Variants in CDH26 observed in about 807,000 individuals in gnomAD.
CDH26 encodes the protein cadherin 26.
CDH26 carries 83 observed loss-of-function variants against 90.3 expected under a neutral mutation model. That is an observed-to-expected ratio of 0.92 (90% confidence interval 0.77 to 1.10). The LOEUF (loss-of-function observed/expected upper bound fraction) is 1.10, where lower values mean the gene tolerates loss of function less well. Among genes scored for constraint, CDH26 ranks in the 50% least tolerant of loss-of-function variants. The pLI, the probability that CDH26 is intolerant of heterozygous loss-of-function variation, is 0.00. For synonymous variants in CDH26, 397 were observed against 396.3 expected (o/e 1.00, Z -0.02); for missense variants, 1,013 against 1,037.6 (o/e 0.98, Z 0.33).
rs1395976621 is a variant in CDH26 at position 60,013,321 on chromosome 20, C to G, written c.*591C>G. 1.3e-5 allele frequency: 2 copies of G among 152,108 alleles called. No individual in the cohort carries two copies. Among genetic ancestry groups the G allele is most frequent in the Non-Finnish European group, 2.9e-5 (2 of 68,030 alleles). The allele number at this position is 152,108 out of a possible 1,614,324, so 9.4% of individuals were successfully genotyped here. ...TGCTGAAAGCTTTATAAACAGTATACTCTTTAAAAAATGAAGAGCTGACAT... is the reference window on the plus strand; with the variant it reads ...TGCTGAAAGCTTTATAAACAGTATAGTCTTTAAAAAATGAAGAGCTGACAT... On this transcript the variant is annotated 3_prime_UTR_variant, in exon 18 of 18. Transcript: ENST00000348616.
chr20:59,984,962 G>T (rs1204328984), intron 6 of CDH26, 39 bp from the exon 7 acceptor site: 2 of 1,602,630 alleles, frequency 1.2e-6, no homozygotes, highest in African/African-American at 2.7e-5. Flanking sequence ...TTCCTTTCCT[G>T]TATTTGAGGG....
exon 8 of CDH26, chr20:60,031,259 G>C: frequency 8.0e-7 from 1 of 1,244,970 alleles, no homozygotes; most frequent in Non-Finnish European, 1.0e-6. Context: ...TTCAGCCTCA[G>C]CAGGGGCTGC....
At chr20:59,991,316 A>G (rs1269141390) in intron 9 of CDH26, among the ~76,000 whole-genome samples, 6 of 152,226 alleles carry the variant, frequency 3.9e-5, no homozygotes, top group African/African-American at 7.2e-5. Flanking sequence ...CTAACAGTCC[A>G]TCATTTTAGC....
At chr20:59,989,774 A>G (rs1176837667) in intron 9 of CDH26, among the ~76,000 whole-genome samples, 1 of 151,878 alleles carries the variant, frequency 6.6e-6, no homozygotes, top group Non-Finnish European at 1.5e-5. Context: ...AATCCGTTAC[A>G]TTTTTCTGTC....
chr20:59,995,198 A>G (rs374965292), intron 11 of CDH26, among the ~76,000 whole-genome samples: 1 of 152,046 alleles, frequency 6.6e-6, no homozygotes, highest in Admixed American at 6.5e-5. Flanking sequence ...GGTGATCTCT[A>G]TTGGGGTATC....
intron 1 of CDH26, among the ~76,000 whole-genome samples, chr20:59,962,350 C>A (rs1042366637): frequency 6.6e-6 from 1 of 152,226 alleles, no homozygotes; most frequent in African/African-American, 2.4e-5. Flanking sequence ...GAAACCAAGG[C>A]GTCAGCAGGG....
chr20:60,018,702 C>CTTTTTTTTTT (rs55994712), downstream of CDH26, among the ~76,000 whole-genome samples: 74 of 17,812 alleles, frequency 4.2e-3, 13 homozygotes, highest in South Asian at 7.8e-3. Context: ...CTCTTACTGC[C>CTTTTTTTTTT]TTTTTTTTTT....
At chr20:60,029,617 T>C (rs544195687) in intron 7 of CDH26, among the ~76,000 whole-genome samples, 2 of 152,234 alleles carry the variant, frequency 1.3e-5, no homozygotes, top group Admixed American at 1.3e-4. Context: ...GTATTTGTCC[T>C]AATGCCCTCC....
intron 4 of CDH26, among the ~76,000 whole-genome samples, chr20:59,978,198 CAT>C (rs960012870): frequency 3.0e-4 from 45 of 152,178 alleles, no homozygotes; most frequent in African/African-American, 9.9e-4. Context: ...AAGCTATAAA[CAT>C]GTGTGTGCAG....
chr20:60,021,897 C>CATATATATATAT lies in CDH26; in HGVS notation c.948-9325_948-9314dup, dbSNP rs71228705. On this transcript the variant is annotated intron_variant, in intron 7 of 8. Coordinates refer to the CDH26 transcript ENST00000370991. The stretch of plus-strand genomic sequence containing the variant: ...ACACACACACACACACACACACACA[C>CATATATATATAT]ATATATATATATATATATATCCTGA... Among the ~76,000 whole-genome samples, 31 of 78,984 alleles carry CATATATATATAT rather than the reference C, an allele frequency of 3.9e-4. 2 individuals are homozygous for CATATATATATAT. Among genetic ancestry groups the CATATATATATAT allele is most frequent in the Admixed American group, 7.8e-4 (6 of 7,690 alleles). The allele number at this position is 78,984 out of a possible 152,430, so 51.8% of individuals were successfully genotyped here.
chr20:59,972,188 T>C, intron 4 of CDH26, 65 bp downstream of exon 4: 2 of 1,489,966 alleles, frequency 1.3e-6, no homozygotes, highest in South Asian at 1.2e-5. Flanking sequence ...TTGTATTTGG[T>C]AAGCATTATT....
chr20:59,970,801 C>A (rs1157697033), intron 3 of CDH26, among the ~76,000 whole-genome samples: 1 of 148,074 alleles, frequency 6.8e-6, no homozygotes, highest in Non-Finnish European at 1.5e-5. Context: ...CAGCGAGACT[C>A]TGTCTCAAAA....
exon 9 of CDH26, chr20:60,033,587 C>T: frequency 7.7e-6 from 10 of 1,304,702 alleles, no homozygotes; most frequent in Non-Finnish European, 9.1e-6. Context: ...TGCGCATTCC[C>T]CATCACCCCT....
downstream of CDH26, among the ~76,000 whole-genome samples, chr20:60,015,671 C>T (rs531267502): frequency 2.0e-5 from 3 of 152,152 alleles, no homozygotes; most frequent in East Asian, 3.9e-4. Flanking sequence ...TCTATGCTTT[C>T]GAGGTCTTAC....
intron 16 of CDH26, among the ~76,000 whole-genome samples, chr20:60,003,407 T>C (rs1027149574): frequency 3.9e-5 from 6 of 152,216 alleles, no homozygotes; most frequent in Non-Finnish European, 7.3e-5. Flanking sequence ...GTGGATATAG[T>C]TTGCAAAATT....
At position 59,958,852 on chromosome 20, in the gene CDH26, G is replaced by T. The variant is rs894602788; in HGVS notation, c.69+57G>T. ...GCAGGGAACTGAAAGCAAAGCACAA[G>T]CTGGCCCTGCCCCTTCTAGGCTAAG... On this transcript the variant is annotated intron_variant, in intron 1 of 17. Coordinates refer to ENST00000348616, the MANE Select transcript of CDH26 (RefSeq NM_177980.4). 7 of 1,548,576 alleles carry T rather than the reference G, an allele frequency of 4.5e-6. No individual in the cohort carries two copies. The African/African-American group carries it at 8.2e-5, about 18-fold the overall frequency.
rs1278401123 is a variant in CDH26, at chr20:59,992,509, C to T, written c.1415C>T (p.Ala472Val). The T allele has an allele frequency of 6.2e-7, 1 of 1,613,748 alleles. No individual in the cohort carries two copies. The highest frequency in any genetic ancestry group is 8.5e-7 in the Non-Finnish European group (1 of 1,179,934). Residue 472 changes from alanine (A) to valine (V), a missense_variant, in exon 10 of 18, where the codon GCT (alanine) becomes GTT (valine). Ala to Val is a moderately conservative substitution (Grantham distance 64). Coordinates refer to ENST00000348616, the MANE Select transcript of CDH26 (RefSeq NM_177980.4). This position sits in a 1 kb window ranked among gnomAD's most constrained non-coding sequence, Gnocchi z 5.0. ...NNSFYVIIIH[A>V]VDDGFPPQTA... ...AGTTTTTATGTAATCATCATTCACG[C>T]TGTTGATGATGGTGAGTGTTTACCC...
chr20:59,959,549 G>A (rs1028254325), intron 1 of CDH26, among the ~76,000 whole-genome samples: 13 of 151,246 alleles, frequency 8.6e-5, no homozygotes, highest in East Asian at 3.9e-4. Context: ...ACAGGTGCAC[G>A]CCACCATGCC....
chr20:60,021,881 C>CACAT (rs1569068713), intron 7 of CDH26, among the ~76,000 whole-genome samples: 1 of 86,968 alleles, frequency 1.1e-5, no homozygotes, highest in Non-Finnish European at 2.7e-5. Context: ...CACACACACA[C>CACAT]ACACACACAC....
Sources: gnomAD v4.1 joint callset for allele counts (sites outside exome capture counted in the v4.1 genomes callset) on GRCh38, gnomAD v4.1.1 for gene constraint, Gnocchi (gnomAD v3.1) non-coding constraint, MANE v1.5 for transcripts, NCBI Gene and HGNC (gene_info 2026-07-23, HGNC 2026-07-21) for gene names.